The following PSMD5 variants were observed in gnomAD, a reference collection of about 807,000 sequenced individuals.
PSMD5 encodes 26S proteasome non-ATPase regulatory subunit 5.
PSMD5 carries 40 observed loss-of-function variants against 52.1 expected under a neutral mutation model. The ratio of observed to expected loss-of-function variants is 0.77; its 90% confidence interval spans 0.60 to 1.00. PSMD5 has a LOEUF of 1.00. Among genes scored for constraint, PSMD5 ranks in the 50% least tolerant of loss-of-function variants. PSMD5 has a pLI of 0.00. For synonymous variants in PSMD5, 211 were observed against 226.6 expected (o/e 0.93, Z 0.62); for missense variants, 575 against 605.2 (o/e 0.95, Z 0.52).
chr9:120,816,362 CAA>C lies in PSMD5; in HGVS notation c.*1542_*1543del, dbSNP rs2045042487. On this transcript the variant is annotated 3_prime_UTR_variant, in exon 10 of 10. Coordinates refer to ENST00000210313, the MANE Select transcript of PSMD5 (RefSeq NM_005047.4). Reference sequence around the variant, plus strand: ...AACTGTACACTTAAAATAGTTATGACAAATTTTATTGTATATATTGCACCACA... The same window carrying C: ...AACTGTACACTTAAAATAGTTATGACATTTTATTGTATATATTGCACCACA... 1 of 151,776 alleles carries C rather than the reference CAA, an allele frequency of 6.6e-6. No individual in the cohort carries two copies. Among genetic ancestry groups the C allele is most frequent in the Non-Finnish European group, 1.5e-5 (1 of 67,974 alleles). The allele number at this position is 151,776 out of a possible 1,614,324, so 9.4% of individuals were successfully genotyped here. A position where few individuals can be genotyped will look rare whatever the true frequency, so the allele number is the denominator to read the frequency against.
At chr9:120,838,112 T>C (rs1196477635) in intron 1 of PSMD5, among the ~76,000 whole-genome samples, 1 of 152,224 alleles carries the variant, frequency 6.6e-6, no homozygotes, top group African/African-American at 2.4e-5. Flanking sequence ...AGTGGTTGAC[T>C]GGTTGAAACA....
intron 8 of PSMD5, 104 bp downstream of exon 8, chr9:120,821,251 G>C: frequency 2.4e-6 from 2 of 848,002 alleles, no homozygotes; most frequent in South Asian, 4.1e-5. Flanking sequence ...TATAATGAGG[G>C]TTATCTTCTT....
At chr9:120,823,233 G>C (rs1466530616) in intron 7 of PSMD5, among the ~76,000 whole-genome samples, 1 of 146,232 alleles carries the variant, frequency 6.8e-6, no homozygotes, top group Admixed American at 6.9e-5. Context: ...TTTTTTTACA[G>C]AGTCTCGCAC....
chr9:120,833,827 T>C (rs2045179178), intron 1 of PSMD5, among the ~76,000 whole-genome samples: 1 of 150,908 alleles, frequency 6.6e-6, no homozygotes, highest in South Asian at 2.1e-4. Context: ...TACAGGGGCC[T>C]GCCACCATGC....
chr9:120,832,045 A>G, intron 2 of PSMD5, 100 bp from the exon 3 acceptor site: 3 of 1,497,382 alleles, frequency 2.0e-6, no homozygotes, highest in Non-Finnish European at 2.7e-6. Context: ...TTTAGGAGTT[A>G]GTGATCACAG....
chr9:120,818,258 A>G, intron 9 of PSMD5, 95 bp from the exon 10 acceptor site: 1 of 1,289,362 alleles, frequency 7.8e-7, no homozygotes, highest in Non-Finnish European at 1.0e-6. Context: ...GGCAACATGA[A>G]CTTTAAAAAT....
chr9:120,817,684 T>G lies in PSMD5; in HGVS notation c.*222A>C. On this transcript the variant is annotated 3_prime_UTR_variant, in exon 10 of 10. Coordinates refer to ENST00000210313, the MANE Select transcript of PSMD5 (RefSeq NM_005047.4). Reference sequence around the variant, plus strand: ...TGAAAGGAATCTGAAAAACACTGGATCTATTATGACCAAGCTTGTCTGCTC... The same window carrying G: ...TGAAAGGAATCTGAAAAACACTGGAGCTATTATGACCAAGCTTGTCTGCTC... 1 of 514,080 alleles carries G rather than the reference T, an allele frequency of 1.9e-6. No homozygotes were observed. Among genetic ancestry groups the G allele is most frequent in the Non-Finnish European group, 3.4e-6 (1 of 294,442 alleles). The allele number at this position is 514,080 out of a possible 1,614,324, so 31.8% of individuals were successfully genotyped here. A position where few individuals can be genotyped will look rare whatever the true frequency, so the allele number is the denominator to read the frequency against.
intron 2 of PSMD5, 80 bp from the exon 3 acceptor site, chr9:120,832,025 GCA>G: frequency 6.5e-7 from 1 of 1,529,114 alleles, no homozygotes; most frequent in Non-Finnish European, 8.7e-7. Flanking sequence ...TTTCCTTAGT[GCA>G]CAGTTATTTT....
chr9:120,839,504 A>G (rs920429005), intron 1 of PSMD5, among the ~76,000 whole-genome samples: 1 of 152,204 alleles, frequency 6.6e-6, no homozygotes, highest in Non-Finnish European at 1.5e-5. Flanking sequence ...GAGGAGACAA[A>G]TAAGAGACAT....
At chr9:120,825,600 T>C (rs1009754963) in intron 6 of PSMD5, among the ~76,000 whole-genome samples, 10 of 152,114 alleles carry the variant, frequency 6.6e-5, no homozygotes, top group Admixed American at 3.3e-4. Context: ...ATTTCCTTCA[T>C]CAGTTTTTAT....
At chr9:120,820,554 A>C (rs1422066686) in intron 9 of PSMD5, among the ~76,000 whole-genome samples, 1 of 152,252 alleles carries the variant, frequency 6.6e-6, no homozygotes, top group Non-Finnish European at 1.5e-5. Context: ...AATAAGGATT[A>C]GGAAGACCAG....
At chr9:120,821,327 G>C (rs2045082603) in intron 8 of PSMD5, 28 bp downstream of exon 8, 1 of 1,381,936 alleles carries the variant, frequency 7.2e-7, no homozygotes, top group Non-Finnish European at 1.0e-6. Context: ...ATATCCCACT[G>C]TCCTTCATTA....
chr9:120,833,189 G>A, intron 2 of PSMD5, 123 bp downstream of exon 2: 3 of 1,135,982 alleles, frequency 2.6e-6, no homozygotes, highest in South Asian at 1.4e-5. Flanking sequence ...GGGAGCAGAG[G>A]AGAGGGGGAG....
chr9:120,823,366 G>A (rs1382393783), intron 7 of PSMD5, among the ~76,000 whole-genome samples: 3 of 151,392 alleles, frequency 2.0e-5, no homozygotes, highest in Admixed American at 6.6e-5. Flanking sequence ...GCACCACCAC[G>A]CTTGGCTGAT....
chr9:120,831,789 C>T (rs200757215), intron 3 of PSMD5, 43 bp downstream of exon 3: 229 of 1,579,942 alleles, frequency 1.4e-4, no homozygotes, highest in Non-Finnish European at 1.8e-4. Flanking sequence ...TTTGGGACAC[C>T]GATGTCTCTG....
intron 6 of PSMD5, among the ~76,000 whole-genome samples, chr9:120,826,426 A>G (rs1188507812): frequency 6.6e-6 from 1 of 152,220 alleles, no homozygotes; most frequent in Non-Finnish European, 1.5e-5. Flanking sequence ...TTTTTATCAT[A>G]AAAGAAAGGT....
chr9:120,840,812 G>A (rs2045229788), intron 1 of PSMD5, among the ~76,000 whole-genome samples: 1 of 151,978 alleles, frequency 6.6e-6, no homozygotes, highest in African/African-American at 2.4e-5. Context: ...TAGAGACAGG[G>A]TTTCACTATG....
chr9:120,840,276 C>T (rs543880021), intron 1 of PSMD5, among the ~76,000 whole-genome samples: 2 of 150,690 alleles, frequency 1.3e-5, no homozygotes, highest in Non-Finnish European at 3.0e-5. Context: ...GGCACGCACG[C>T]CCAGTTAATT....
In PSMD5 at chr9:120,831,477, T is replaced by C. The variant is rs2045159544; in HGVS notation, c.433-18A>G. 6.3e-7 allele frequency: 1 copy of C among 1,587,192 alleles called. No individual in the cohort carries two copies. Among genetic ancestry groups the C allele is most frequent in the Admixed American group, 1.9e-5 (1 of 54,002 alleles). On this transcript the variant is annotated intron_variant, in intron 3 of 9. Transcript: ENST00000210313. ...TTGATAGCCTTATAACGAAAGAAAATATCTCTTACATTCCCAAAATGCAGG... is the reference window on the plus strand; with the variant it reads ...TTGATAGCCTTATAACGAAAGAAAACATCTCTTACATTCCCAAAATGCAGG...
Sources: allele counts gnomAD v4.1 joint callset (sites outside exome capture counted in the v4.1 genomes callset), GRCh38; gene constraint gnomAD v4.1.1; transcripts MANE v1.5; gene names NCBI Gene and HGNC (gene_info 2026-07-23, HGNC 2026-07-21).